Variants in ERBB4 observed in about 807,000 individuals in gnomAD.
The protein encoded by ERBB4 is erb-b2 receptor tyrosine kinase 4, also known as receptor tyrosine-protein kinase erbB-4.
A neutral mutation model predicts 158.0 loss-of-function variants in ERBB4; 42 were observed. The ratio of observed to expected loss-of-function variants is 0.27; its 90% confidence interval spans 0.21 to 0.34. The LOEUF (loss-of-function observed/expected upper bound fraction) is 0.34. Ranked by LOEUF, ERBB4 falls within the 10% of genes least tolerant of loss-of-function variation. ERBB4 has a pLI of 1.00. For synonymous variants in ERBB4, 583 were observed against 558.7 expected, an observed-to-expected ratio of 1.04 and a Z score of -0.61; for missense variants, 1,333 against 1,624.1, an observed-to-expected ratio of 0.82 and a Z score of 3.08.
At chr2:212,337,330 C>T (rs894218382) in intron 1 of ERBB4, among the ~76,000 whole-genome samples, 1 of 152,064 alleles carries the variant, frequency 6.6e-6, no homozygotes, top group Non-Finnish European at 1.5e-5. Context: ...GTACTCAGGA[C>T]ATAATGAACA....
intron 19 of ERBB4, among the ~76,000 whole-genome samples, chr2:211,612,297 G>T (rs1040756948): frequency 6.6e-6 from 1 of 152,028 alleles, no homozygotes; most frequent in Admixed American, 6.6e-5. Flanking sequence ...TGCTGATATT[G>T]TGCTTGCTCA....
intron 1 of ERBB4, among the ~76,000 whole-genome samples, chr2:212,274,578 A>C (rs771585944): frequency 5.3e-5 from 8 of 151,856 alleles, no homozygotes; most frequent in Non-Finnish European, 1.0e-4. Flanking sequence ...ATTATGATCT[A>C]ATATGGCACC....
At chr2:212,349,732 C>T (rs2089172105) in intron 1 of ERBB4, among the ~76,000 whole-genome samples, 1 of 152,050 alleles carries the variant, frequency 6.6e-6, no homozygotes, top group Admixed American at 6.6e-5. Context: ...GTAGAAGTTG[C>T]AGTTATCCCG....
chr2:212,251,812 C>CTGTT (rs10644810), intron 1 of ERBB4, among the ~76,000 whole-genome samples: 9,121 of 152,028 alleles, frequency 0.06, 378 homozygotes, highest in African/African-American at 0.12. Flanking sequence ...CCATTGCTGG[C>CTGTT]TGTTAGTCAA....
intron 3 of ERBB4, among the ~76,000 whole-genome samples, chr2:211,848,647 C>A (rs545280628): frequency 2.0e-5 from 3 of 152,064 alleles, no homozygotes; most frequent in South Asian, 2.1e-4. Flanking sequence ...TACTACAAAA[C>A]CATATTGGTC....
intron 3 of ERBB4, among the ~76,000 whole-genome samples, chr2:211,930,607 G>A (rs1050090254): frequency 2.6e-5 from 4 of 152,156 alleles, no homozygotes; most frequent in Admixed American, 1.3e-4. Context: ...AGACCCAGCC[G>A]TGTTATAGCA....
intron 1 of ERBB4, among the ~76,000 whole-genome samples, chr2:212,211,115 T>C (rs1574441913): frequency 6.6e-6 from 1 of 152,252 alleles, no homozygotes; most frequent in South Asian, 2.1e-4. Flanking sequence ...CTATAAACTC[T>C]ACATAGTAAA....
At chr2:212,480,777 T>C (rs1018807842) in intron 1 of ERBB4, among the ~76,000 whole-genome samples, 3 of 152,242 alleles carry the variant, frequency 2.0e-5, no homozygotes, top group Non-Finnish European at 4.4e-5. Flanking sequence ...TATTTGATTA[T>C]GTATTTAAGT....
At chr2:212,007,263 A>G (rs1227469775) in intron 2 of ERBB4, among the ~76,000 whole-genome samples, 1 of 151,936 alleles carries the variant, frequency 6.6e-6, no homozygotes, top group Admixed American at 6.6e-5. Context: ...TAAAGGAAAA[A>G]AAGTCTTTTA....
intron 1 of ERBB4, among the ~76,000 whole-genome samples, chr2:212,407,656 TG>T (rs2091385764): frequency 6.6e-6 from 1 of 152,118 alleles, no homozygotes; most frequent in Non-Finnish European, 1.5e-5. Flanking sequence ...TGCATTTACT[TG>T]GGTATATACA....
chr2:211,812,781 C>T (rs1043860734), intron 3 of ERBB4, among the ~76,000 whole-genome samples: 3 of 152,220 alleles, frequency 2.0e-5, no homozygotes, highest in Non-Finnish European at 1.5e-5. Flanking sequence ...CTGCTGCAGT[C>T]TCACAGGTCA....
At chr2:212,504,736 G>A (rs774581373) in intron 1 of ERBB4, among the ~76,000 whole-genome samples, 2 of 152,004 alleles carry the variant, frequency 1.3e-5, no homozygotes, top group Non-Finnish European at 2.9e-5. Context: ...AGTTTTTTAT[G>A]TACAATAAAG....
chr2:211,522,651 G>A (rs925993140), intron 20 of ERBB4, among the ~76,000 whole-genome samples: 3 of 152,128 alleles, frequency 2.0e-5, no homozygotes, highest in Admixed American at 2.0e-4. Flanking sequence ...AATCTTTGAT[G>A]AAAGGAAGAG....
intron 25 of ERBB4, among the ~76,000 whole-genome samples, chr2:211,390,556 A>G (rs2062779148): frequency 6.6e-6 from 1 of 152,236 alleles, no homozygotes; most frequent in African/African-American, 2.4e-5. Flanking sequence ...GGAACAACTT[A>G]CAAGTCATTC....
At chr2:211,624,743 G>C (rs2069770637) in intron 17 of ERBB4, among the ~76,000 whole-genome samples, 1 of 152,160 alleles carries the variant, frequency 6.6e-6, no homozygotes, top group South Asian at 2.1e-4. Context: ...CCTAAAGAAT[G>C]TACACTTTAA....
intron 1 of ERBB4, among the ~76,000 whole-genome samples, chr2:212,413,432 T>C (rs966727876): frequency 1.3e-5 from 2 of 152,148 alleles, no homozygotes; most frequent in African/African-American, 4.8e-5. Flanking sequence ...CACAGAATGT[T>C]AAAATTTCTC....
chr2:212,285,299 G>A (rs1407300438), intron 1 of ERBB4, among the ~76,000 whole-genome samples: 2 of 151,940 alleles, frequency 1.3e-5, no homozygotes, highest in Non-Finnish European at 2.9e-5. Context: ...TCCATGAAGT[G>A]CAAACCCTCA....
intron 17 of ERBB4, among the ~76,000 whole-genome samples, chr2:211,624,778 C>T (rs2069771571): frequency 6.6e-6 from 1 of 152,010 alleles, no homozygotes; most frequent in East Asian, 1.9e-4. Context: ...ATGTCTAAGT[C>T]TTGACATAAT....
At chr2:212,204,493 T>A (rs1228631228) in intron 1 of ERBB4, among the ~76,000 whole-genome samples, 1 of 151,360 alleles carries the variant, frequency 6.6e-6, no homozygotes, top group Non-Finnish European at 1.5e-5. Flanking sequence ...AGGCCAGGAG[T>A]TCGAAACAAG....
Sources: gnomAD v4.1 joint callset for allele counts (sites outside exome capture counted in the v4.1 genomes callset) on GRCh38, gnomAD v4.1.1 for gene constraint, MANE v1.5 for transcripts, NCBI Gene and HGNC (gene_info 2026-07-23, HGNC 2026-07-21) for gene names.